STARD3: variants seen among roughly 807,000 people sequenced by gnomAD.
STARD3 encodes the protein StAR related lipid transfer domain containing 3, also known as stAR-related lipid transfer protein 3.
In STARD3, 39 loss-of-function variants were observed where a neutral mutation model predicts 62.0. The observed-to-expected ratio is 0.63, with a 90% confidence interval of 0.49 to 0.82. The LOEUF is 0.82. Among genes scored for constraint, STARD3 ranks in the 40% least tolerant of loss-of-function variants. The probability of loss-of-function intolerance (pLI) is 0.00; values close to 1 mark genes in which losing one functional copy is unlikely to be tolerated. For missense variants in STARD3, 543 were observed against 584.5 expected, an observed-to-expected ratio of 0.93 and a Z score of 0.73; for synonymous variants, 229 against 242.4, an observed-to-expected ratio of 0.94 and a Z score of 0.51.
At chr17:39,638,145 C>T (rs560707393) in intron 1 of STARD3, among the ~76,000 whole-genome samples, 1 of 152,200 alleles carries the variant, frequency 6.6e-6, no homozygotes, top group African/African-American at 2.4e-5. Flanking sequence ...TAAAAGTGAC[C>T]TAGTACTGCC....
chr17:39,653,230 CA>C, intron 1 of STARD3: 1 of 492,484 alleles, frequency 2.0e-6, no homozygotes, highest in Non-Finnish European at 3.7e-6. Context: ...CAGAGCCCTC[CA>C]GGGGTGAACC....
intron 1 of STARD3, among the ~76,000 whole-genome samples, chr17:39,640,587 A>G (rs1187318403): frequency 6.7e-6 from 1 of 149,396 alleles, no homozygotes; most frequent in Non-Finnish European, 1.5e-5. Context: ...GAAGATGACT[A>G]GCCGTTTCCA....
At chr17:39,662,660 G>T in intron 14 of STARD3, 144 bp from the exon 15 acceptor site, 1 of 752,532 alleles carries the variant, frequency 1.3e-6, no homozygotes, top group Non-Finnish European at 2.2e-6. Context: ...TTCCTGCCAG[G>T]GGTGAGTGGG....
chr17:39,661,274 G>C (rs1301892844), intron 13 of STARD3, 189 bp downstream of exon 13: 1 of 615,908 alleles, frequency 1.6e-6, no homozygotes, highest in African/African-American at 1.8e-5. Flanking sequence ...GTGGAGATGG[G>C]GGGTGGTGGA....
intron 1 of STARD3, among the ~76,000 whole-genome samples, chr17:39,645,881 CTTTTTTTTTTTTTT>C (rs71147368): frequency 2.0e-4 from 11 of 55,616 alleles, no homozygotes; most frequent in African/African-American, 8.0e-4. Flanking sequence ...GGATTCTTGC[CTTTTTTTTTTTTTT>C]TTTTTTTTTT....
intron 2 of STARD3, among the ~76,000 whole-genome samples, chr17:39,655,859 G>T (rs1041931578): frequency 6.6e-6 from 1 of 151,952 alleles, no homozygotes; most frequent in Admixed American, 6.6e-5. Flanking sequence ...TGGCTCTCCC[G>T]AGTCCTGATC....
At chr17:39,656,334 C>A (rs1322319544) in intron 2 of STARD3, among the ~76,000 whole-genome samples, 1 of 152,128 alleles carries the variant, frequency 6.6e-6, no homozygotes, top group Non-Finnish European at 1.5e-5. Flanking sequence ...CCCGTCATTC[C>A]AAGGAGTCAG....
intron 1 of STARD3, among the ~76,000 whole-genome samples, chr17:39,650,229 A>G (rs920970187): frequency 1.2e-4 from 19 of 152,276 alleles, no homozygotes; most frequent in African/African-American, 4.6e-4. Context: ...TGGTGTCCGT[A>G]TCAGGAGATG....
Position 39,660,546 on chromosome 17 carries a change from C to T in STARD3, c.954+20C>T, listed in dbSNP as rs113437340. 13 of 1,613,336 alleles carry T rather than the reference C, an allele frequency of 8.1e-6. No homozygotes were observed. The African/African-American group carries it at 1.6e-4, about 20-fold the overall frequency. ...TGCCAGGTGAGCCCAGTCTGGCTGC[C>T]TCTTAAGGCACAGATGGGGGCACAG... On this transcript the variant is annotated intron_variant, in intron 11 of 14. Transcript: ENST00000336308. This position sits in a 1 kb window ranked among gnomAD's most constrained non-coding sequence, Gnocchi z 4.8.
intron 2 of STARD3, 36 bp downstream of exon 2, chr17:39,653,786 G>T: frequency 6.2e-7 from 1 of 1,611,018 alleles, no homozygotes. Flanking sequence ...AGGCCATGTT[G>T]CAGGCCACCC....
chr17:39,661,815 G>A (rs1269055368), intron 13 of STARD3, among the ~76,000 whole-genome samples: 1 of 152,220 alleles, frequency 6.6e-6, no homozygotes, highest in East Asian at 1.9e-4. Flanking sequence ...GGAGCTGAGG[G>A]AGAATGAAAT....
rs71147368 is a variant in STARD3, at chr17:39,645,881, C to CT, written c.-51-7572dup. 9.5e-4 allele frequency among the ~76,000 whole-genome samples: 53 copies of CT among 55,666 alleles called. 14 individuals are homozygous for CT. The highest frequency in any genetic ancestry group is 1.6e-3 in the East Asian group (4 of 2,472). 36.5% of individuals were successfully genotyped at this position (55,666 alleles called of 152,430 possible). ...ATCCCTGTGACATAGGGATTCTTGC[C>CT]TTTTTTTTTTTTTTTTTTTTTTTTT... On this transcript the variant is annotated intron_variant, in intron 1 of 14. Coordinates refer to ENST00000336308, the MANE Select transcript of STARD3 (RefSeq NM_006804.4).
In STARD3 at chr17:39,660,778, C is replaced by G; in HGVS notation, c.955-32C>G. On this transcript the variant is annotated intron_variant, in intron 11 of 14. Coordinates refer to ENST00000336308, the MANE Select transcript of STARD3 (RefSeq NM_006804.4). This position sits in a 1 kb window ranked among gnomAD's most constrained non-coding sequence, Gnocchi z 4.8. Reference sequence around the variant, plus strand: ...ATCCCTGGGGTTTTCCTGGGGCGACCTGTTCCAAAAGTCTCCGTTGACGGC... The same window carrying G: ...ATCCCTGGGGTTTTCCTGGGGCGACGTGTTCCAAAAGTCTCCGTTGACGGC... The G allele has an allele frequency of 1.9e-6, 3 of 1,549,400 alleles. No homozygotes were observed. The South Asian group carries it at 3.8e-5, about 19-fold the overall frequency.
intron 1 of STARD3, among the ~76,000 whole-genome samples, chr17:39,648,158 G>A (rs1191776505): frequency 6.6e-6 from 1 of 152,056 alleles, no homozygotes; most frequent in Non-Finnish European, 1.5e-5. Context: ...GGTGGTGGGC[G>A]CCTGTAGTCC....
chr17:39,658,985 A>T, intron 7 of STARD3, 66 bp from the exon 8 acceptor site: 7 of 1,603,518 alleles, frequency 4.4e-6, no homozygotes, highest in Non-Finnish European at 6.0e-6. Flanking sequence ...ACATACCCGA[A>T]CCCCACTACC....
chr17:39,638,315 C>A (rs2132140), intron 1 of STARD3, among the ~76,000 whole-genome samples: 7,496 of 152,282 alleles, frequency 0.049, 478 homozygotes, highest in African/African-American at 0.15. Flanking sequence ...CTTACGGTGC[C>A]AGTTCCTTGC....
intron 2 of STARD3, among the ~76,000 whole-genome samples, chr17:39,655,991 T>TG (rs1432619087): frequency 6.4e-5 from 1 of 15,716 alleles, no homozygotes; most frequent in Non-Finnish European, 1.2e-4. Context: ...AGAGGAGTGC[T>TG]GGGTGGTGTG....
At chr17:39,639,700 G>T (rs2056966250) in intron 1 of STARD3, among the ~76,000 whole-genome samples, 1 of 152,218 alleles carries the variant, frequency 6.6e-6, no homozygotes, top group African/African-American at 2.4e-5. Flanking sequence ...CAGGGACCAT[G>T]CCTGGGGGCA....
intron 3 of STARD3, among the ~76,000 whole-genome samples, chr17:39,657,532 A>G (rs2057142919): frequency 6.6e-6 from 1 of 152,004 alleles, no homozygotes; most frequent in Non-Finnish European, 1.5e-5. Flanking sequence ...GTCTCAAAAA[A>G]AAAAAAAAAC....
Sources: gnomAD v4.1 joint callset for allele counts (sites outside exome capture counted in the v4.1 genomes callset) on GRCh38, gnomAD v4.1.1 for gene constraint, Gnocchi (gnomAD v3.1) non-coding constraint, MANE v1.5 for transcripts, NCBI Gene and HGNC (gene_info 2026-07-23, HGNC 2026-07-21) for gene names.